SPATA13: variants seen among roughly 807,000 people sequenced by gnomAD.
SPATA13 encodes the protein spermatogenesis-associated protein 13.
Under a neutral mutation model 104.0 loss-of-function variants are expected in SPATA13, and 50 were observed. The observed-to-expected ratio is 0.48, with a 90% CI of 0.38 to 0.61. SPATA13 has a LOEUF of 0.61. SPATA13 is among the 20% of genes least tolerant of loss of function. SPATA13 has a pLI of 0.00. For missense variants in SPATA13, 1,524 were observed against 1,690.6 expected (o/e 0.90, Z 1.73); for synonymous variants, 606 against 667.5 (o/e 0.91, Z 1.42).
At chr13:24,264,231 T>C (rs770658183) in intron 4 of SPATA13, among the ~76,000 whole-genome samples, 26 of 152,212 alleles carry the variant, frequency 1.7e-4, no homozygotes, top group Non-Finnish European at 2.5e-4. Context: ...GTAAAAGTTA[T>C]TGAAAATATC....
intron 4 of SPATA13, 56 bp from the exon 5 acceptor site, chr13:24,284,079 G>T: frequency 6.4e-7 from 1 of 1,551,890 alleles, no homozygotes; most frequent in Non-Finnish European, 8.8e-7. Context: ...TTCATCATAT[G>T]AAAAAATCTT....
chr13:24,273,447 G>A (rs930273813), intron 4 of SPATA13, among the ~76,000 whole-genome samples: 1 of 152,170 alleles, frequency 6.6e-6, no homozygotes, highest in Admixed American at 6.5e-5. Flanking sequence ...TTGTCCACAT[G>A]TTTAAAAGAT....
At chr13:24,060,696 C>T (rs1187579941) in intron 3 of SPATA13, among the ~76,000 whole-genome samples, 2 of 113,028 alleles carry the variant, frequency 1.8e-5, no homozygotes, top group Admixed American at 1.8e-4. Flanking sequence ...TGACAAAGGT[C>T]TAATATCCAA....
intron 3 of SPATA13, among the ~76,000 whole-genome samples, chr13:24,071,944 A>C (rs1428495873): frequency 2.0e-5 from 3 of 152,248 alleles, no homozygotes; most frequent in Non-Finnish European, 2.9e-5. Flanking sequence ...GTGGCTGGTT[A>C]TGGCAAGGTA....
chr13:24,265,393 T>C (rs1874253791), intron 4 of SPATA13, among the ~76,000 whole-genome samples: 1 of 152,202 alleles, frequency 6.6e-6, no homozygotes, highest in Admixed American at 6.5e-5. Context: ...TTGTCTTTAA[T>C]CCATTTAGAA....
At chr13:24,207,676 G>T (rs1274529068) in intron 1 of SPATA13, among the ~76,000 whole-genome samples, 2 of 152,192 alleles carry the variant, frequency 1.3e-5, no homozygotes, top group African/African-American at 2.4e-5. Context: ...CTTAGGAAAA[G>T]AATGCAGTAT....
At chr13:24,043,237 A>G (rs1877998831) in intron 3 of SPATA13, among the ~76,000 whole-genome samples, 1 of 152,178 alleles carries the variant, frequency 6.6e-6, no homozygotes, top group Non-Finnish European at 1.5e-5. Context: ...CGTCTTGGCT[A>G]TGACAAACAT....
intron 10 of SPATA13, among the ~76,000 whole-genome samples, chr13:24,295,209 TC>T (rs1221028738): frequency 2.0e-5 from 3 of 151,976 alleles, no homozygotes; most frequent in African/African-American, 7.3e-5. Flanking sequence ...GACTCTGGAG[TC>T]CCTGCCCACA....
In SPATA13 at chr13:24,069,187, C is replaced by A. The variant is rs185039645; in HGVS notation, c.-112+51486C>A. ...CTCAATGGTAGTTCAATAGGAATAG[C>A]ATTAAATCTATAAATTGCTTTGAGC... On this transcript the variant is annotated intron_variant, in intron 3 of 14. Coordinates refer to the SPATA13 transcript ENST00000424834. Among the ~76,000 whole-genome samples the A allele has an allele frequency of 3.0e-3, 461 of 152,238 alleles. 1 individual carries two copies. The highest frequency in any genetic ancestry group is 0.01 in the African/African-American group (427 of 41,540).
At chr13:24,253,733 G>A (rs79959854) in intron 4 of SPATA13, among the ~76,000 whole-genome samples, 2,705 of 152,226 alleles carry the variant, frequency 0.018, 69 homozygotes, top group Admixed American at 0.048. Context: ...GGACAGGTGA[G>A]TAGGAGGCAG....
chr13:24,162,947 A>G (rs1303257782), intron 1 of SPATA13, among the ~76,000 whole-genome samples: 1 of 152,224 alleles, frequency 6.6e-6, no homozygotes, highest in Non-Finnish European at 1.5e-5. Flanking sequence ...ACACCAGTGG[A>G]GGACATGAAT....
Position 24,262,414 on chromosome 13 carries a change from G to GT in SPATA13, c.2164+10558dup, listed in dbSNP as rs764631876. 2.7e-4 allele frequency among the ~76,000 whole-genome samples: 41 copies of GT among 150,828 alleles called. 1 individual carries two copies. Among genetic ancestry groups the GT allele is most frequent in the Non-Finnish European group, 4.1e-4 (28 of 67,736 alleles). ...TTTGATCAGATCACACCACGTTTCTGTTTTTTCTTAGGACTGTCAATAAAA... is the reference window on the plus strand; with the variant it reads ...TTTGATCAGATCACACCACGTTTCTGTTTTTTTCTTAGGACTGTCAATAAAA... On this transcript the variant is annotated intron_variant, in intron 4 of 12. Coordinates refer to ENST00000382108, the MANE Select transcript of SPATA13 (RefSeq NM_001166271.3).
intron 4 of SPATA13, among the ~76,000 whole-genome samples, chr13:24,261,323 A>G (rs749454263): frequency 1.3e-5 from 2 of 152,182 alleles, no homozygotes; most frequent in African/African-American, 4.8e-5. Context: ...GGAGCCTAGG[A>G]GAAGAGCATG....
At chr13:24,232,707 C>T (rs1178373843) in intron 2 of SPATA13, among the ~76,000 whole-genome samples, 3 of 152,148 alleles carry the variant, frequency 2.0e-5, no homozygotes, top group African/African-American at 7.2e-5. Flanking sequence ...CAGCACCACA[C>T]CTGGTTACTT....
At chr13:24,260,534 G>A (rs1241896422) in intron 4 of SPATA13, among the ~76,000 whole-genome samples, 1 of 152,196 alleles carries the variant, frequency 6.6e-6, no homozygotes, top group Non-Finnish European at 1.5e-5. Context: ...AACTGATTTA[G>A]ATATTATGTA....
chr13:24,234,701 A>G (rs187623046), intron 2 of SPATA13, among the ~76,000 whole-genome samples: 2 of 152,342 alleles, frequency 1.3e-5, no homozygotes, highest in Admixed American at 6.5e-5. Flanking sequence ...CAGGGAGTCA[A>G]CTGGTGCAGG....
chr13:24,003,474 A>G (rs1358932513), intron 2 of SPATA13, among the ~76,000 whole-genome samples: 1 of 152,242 alleles, frequency 6.6e-6, no homozygotes, highest in Non-Finnish European at 1.5e-5. Flanking sequence ...GCTGTGCCAC[A>G]AAGCAAGTAA....
intron 4 of SPATA13, among the ~76,000 whole-genome samples, chr13:24,269,220 A>G (rs1359927659): frequency 2.0e-5 from 3 of 152,222 alleles, no homozygotes; most frequent in African/African-American, 7.2e-5. Context: ...GCAGATGTGG[A>G]AAGAGAGCTG....
chr13:23,980,416 C>T (rs1456794886), intron 1 of SPATA13, among the ~76,000 whole-genome samples: 1 of 152,228 alleles, frequency 6.6e-6, no homozygotes, highest in Non-Finnish European at 1.5e-5. Context: ...CACTCTGATG[C>T]TTCGTTGGTG....
Sources: allele counts gnomAD v4.1 joint callset (sites outside exome capture counted in the v4.1 genomes callset), GRCh38; gene constraint gnomAD v4.1.1; transcripts MANE v1.5; gene names NCBI Gene and HGNC (gene_info 2026-07-23, HGNC 2026-07-21).